PRKG1: variants seen among roughly 807,000 people sequenced by gnomAD.
PRKG1 encodes cGMP-dependent protein kinase 1.
PRKG1 carries 35 observed loss-of-function variants against 88.1 expected under a neutral mutation model. The observed-to-expected ratio is 0.40, with a 90% confidence interval of 0.30 to 0.53. The LOEUF is 0.53. PRKG1 is among the 20% of genes least tolerant of loss of function. PRKG1 has a pLI of 0.59. For missense variants in PRKG1, 540 were observed against 839.8 expected (o/e 0.64, Z 4.41); for synonymous variants, 303 against 292.5 (o/e 1.04, Z -0.37).
chr10:52,211,715 A>G, intron 9 of PRKG1, among the ~76,000 whole-genome samples: 1 of 151,674 alleles, frequency 6.6e-6, no homozygotes, highest in South Asian at 2.1e-4. Context: ...AAAAAAAAAA[A>G]AAGAAAAGTA....
intron 5 of PRKG1, among the ~76,000 whole-genome samples, chr10:51,917,611 T>C (rs1010279404): frequency 6.6e-6 from 1 of 152,200 alleles, no homozygotes; most frequent in African/African-American, 2.4e-5. Flanking sequence ...TGGCAAAGTA[T>C]AGTATGAAAT....
intron 3 of PRKG1, among the ~76,000 whole-genome samples, chr10:51,685,855 T>C (rs990530494): frequency 3.3e-5 from 5 of 152,118 alleles, no homozygotes; most frequent in Non-Finnish European, 5.9e-5. Flanking sequence ...AAAAAGTAAC[T>C]ATTCCTCCCT....
rs773898126 is a variant in PRKG1, at chr10:52,062,622, C to T, written c.926C>T (p.Ala309Val). ...LGKGDWFGEKALQGEDVRTAN... is the reference protein window; with the variant it reads ...LGKGDWFGEKVLQGEDVRTAN... ...AAAGGAGACTGGTTTGGAGAGAAAG[C>T]CTTGCAGGGGTAAGTAGATCATGTG... Residue 309 changes from alanine (A) to valine (V), a missense_variant, in exon 7 of 18, where the codon GCC (alanine) becomes GTC (valine). By Grantham distance (64) the Ala-to-Val change is moderately conservative. This residue lies in a region of PRKG1 where 400 missense variants were observed against 562.7 expected (regional missense o/e 0.71). Coordinates refer to ENST00000373980, the MANE Select transcript of PRKG1 (RefSeq NM_006258.4). The T allele has an allele frequency of 6.2e-7, 1 of 1,601,350 alleles. No individual in the cohort carries two copies. Among genetic ancestry groups the T allele is most frequent in the South Asian group, 1.1e-5 (1 of 89,542 alleles).
intron 2 of PRKG1, among the ~76,000 whole-genome samples, chr10:51,337,991 A>C (rs569397700): frequency 6.6e-6 from 1 of 152,346 alleles, no homozygotes; most frequent in East Asian, 1.9e-4. Context: ...AAAGACATGG[A>C]ATCAACTCAA....
intron 3 of PRKG1, among the ~76,000 whole-genome samples, chr10:51,757,255 C>A (rs1325695924): frequency 6.6e-6 from 1 of 152,054 alleles, no homozygotes; most frequent in Non-Finnish European, 1.5e-5. Flanking sequence ...GGACCTGCCA[C>A]CACATCCAGC....
intron 5 of PRKG1, among the ~76,000 whole-genome samples, chr10:52,054,025 A>G (rs991709260): frequency 6.6e-6 from 1 of 152,218 alleles, no homozygotes; most frequent in Non-Finnish European, 1.5e-5. Context: ...AAAATAATAT[A>G]GAATGAGTAG....
chr10:51,507,638 C>T (rs1841261321), intron 3 of PRKG1, among the ~76,000 whole-genome samples: 1 of 152,082 alleles, frequency 6.6e-6, no homozygotes, highest in Non-Finnish European at 1.5e-5. Flanking sequence ...AGGAGGTAAT[C>T]CTTCTGCGGG....
intron 6 of PRKG1, among the ~76,000 whole-genome samples, chr10:52,055,716 A>G (rs1554797748): frequency 6.6e-6 from 1 of 152,184 alleles, no homozygotes; most frequent in Non-Finnish European, 1.5e-5. Context: ...GTATAGAAGG[A>G]GATGGAGAAG....
At chr10:52,278,830 G>A (rs1209928437) in intron 12 of PRKG1, among the ~76,000 whole-genome samples, 1 of 151,062 alleles carries the variant, frequency 6.6e-6, no homozygotes, top group African/African-American at 2.4e-5. Flanking sequence ...TTGAACCCAG[G>A]AGGCTGAGGT....
At chr10:51,217,493 G>A (rs1220327955) in intron 2 of PRKG1, among the ~76,000 whole-genome samples, 2 of 152,098 alleles carry the variant, frequency 1.3e-5, no homozygotes, top group Non-Finnish European at 2.9e-5. Flanking sequence ...GACTGAAAAA[G>A]AACATTGTGA....
chr10:51,399,483 G>A (rs1242775553), intron 2 of PRKG1, among the ~76,000 whole-genome samples: 3 of 152,218 alleles, frequency 2.0e-5, no homozygotes, highest in African/African-American at 4.8e-5. Flanking sequence ...AAGATTATAG[G>A]GAATATTTGT....
chr10:52,222,246 T>C (rs1840264009), intron 9 of PRKG1, among the ~76,000 whole-genome samples: 1 of 152,146 alleles, frequency 6.6e-6, no homozygotes, highest in Admixed American at 6.6e-5. Context: ...ATTAGCCTGC[T>C]TCTGCCCCTC....
intron 3 of PRKG1, among the ~76,000 whole-genome samples, chr10:51,611,712 A>C (rs1272724759): frequency 6.7e-6 from 1 of 150,310 alleles, no homozygotes; most frequent in Non-Finnish European, 1.5e-5. Flanking sequence ...TTGCTTGCCT[A>C]GACCAATGTC....
intron 3 of PRKG1, among the ~76,000 whole-genome samples, chr10:51,672,502 C>T (rs1840607989): frequency 6.6e-6 from 1 of 150,394 alleles, no homozygotes; most frequent in African/African-American, 2.4e-5. Context: ...TATGTTTTGC[C>T]TTTCTTGTTT....
intron 3 of PRKG1, among the ~76,000 whole-genome samples, chr10:51,603,983 C>T (rs553149228): frequency 1.3e-5 from 2 of 152,240 alleles, no homozygotes; most frequent in South Asian, 2.1e-4. Flanking sequence ...TAGGTGTTTA[C>T]CCCACTTCTG....
chr10:51,368,767 T>A (rs2132602963), intron 2 of PRKG1, among the ~76,000 whole-genome samples: 1 of 152,152 alleles, frequency 6.6e-6, no homozygotes, highest in East Asian at 1.9e-4. Flanking sequence ...CCAATCAAAA[T>A]CGTTTTGCCA....
chr10:52,017,312 C>A (rs1845065022), intron 5 of PRKG1, among the ~76,000 whole-genome samples: 1 of 152,160 alleles, frequency 6.6e-6, no homozygotes, highest in Non-Finnish European at 1.5e-5. Flanking sequence ...GAAAAGGGAG[C>A]ATGGAGAAAT....
At chr10:51,272,316 G>A (rs913774031) in intron 2 of PRKG1, among the ~76,000 whole-genome samples, 37 of 151,800 alleles carry the variant, frequency 2.4e-4, no homozygotes, top group African/African-American at 8.2e-4. Context: ...ATGAGAACAC[G>A]TGGACACAGG....
intron 1 of PRKG1, among the ~76,000 whole-genome samples, chr10:51,115,752 A>G (rs4500435): frequency 0.8 from 119,718 of 150,316 alleles, 48,252 homozygotes; most frequent in South Asian, 0.87. Context: ...GGGGAGAATT[A>G]CTTGAACCTG....
Sources: gnomAD v4.1 joint callset for allele counts (sites outside exome capture counted in the v4.1 genomes callset) on GRCh38, gnomAD v4.1.1 for gene constraint, gnomAD v4.1.1 regional missense constraint, MANE v1.5 for transcripts, NCBI Gene and HGNC (gene_info 2026-07-23, HGNC 2026-07-21) for gene names.